Variants in PLEKHG3 observed in about 807,000 individuals in gnomAD.
PLEKHG3 encodes pleckstrin homology and RhoGEF domain containing G3, also known as pleckstrin homology domain-containing family G member 3.
Under a neutral mutation model 94.9 loss-of-function variants are expected in PLEKHG3, and 62 were observed. The observed-to-expected ratio is 0.65, with a 90% CI of 0.53 to 0.81. The LOEUF is 0.81. Ranked by LOEUF, PLEKHG3 falls within the 30% of genes least tolerant of loss-of-function variation. The pLI, the probability that PLEKHG3 is intolerant of heterozygous loss-of-function variation, is 0.00. For synonymous variants in PLEKHG3, 614 were observed against 654.0 expected (o/e 0.94, Z 0.93); for missense variants, 1,461 against 1,619.3 (o/e 0.90, Z 1.68).
At chr14:64,736,958 C>A in intron 13 of PLEKHG3, 67 bp downstream of exon 13, 1 of 1,210,576 alleles carries the variant, frequency 8.3e-7, no homozygotes, top group Non-Finnish European at 1.2e-6. Flanking sequence ...GGGAAGCAGC[C>A]GACAACCTGG....
rs999871061 is a variant in PLEKHG3, at chr14:64,704,700, G to T, written c.-44G>T. 3.3e-5 allele frequency: 5 copies of T among 152,454 alleles called. No individual in the cohort carries two copies. The highest frequency in any genetic ancestry group is 2.0e-4 in the Admixed American group (3 of 15,292). 9.4% of individuals were successfully genotyped at this position (152,454 alleles called of 1,614,324 possible). A position where few individuals can be genotyped will look rare whatever the true frequency, so the allele number is the denominator to read the frequency against. ...GTCCCGAGCCCGCGGGGCAGCTACCGCTCGGTGAGTGTCCCCTGATTCTCC... is the reference window on the plus strand; with the variant it reads ...GTCCCGAGCCCGCGGGGCAGCTACCTCTCGGTGAGTGTCCCCTGATTCTCC... On this transcript the variant is annotated 5_prime_UTR_variant, in exon 1 of 17. Transcript: ENST00000247226. The surrounding 1 kb of genome is among the most constrained non-coding windows in gnomAD (Gnocchi z 5.6).
Position 64,733,422 on chromosome 14 carries a change from A to C in PLEKHG3, c.1345+521A>C, listed in dbSNP as rs148405716. Among the ~76,000 whole-genome samples, 1,379 of 151,548 alleles carry C rather than the reference A, an allele frequency of 9.1e-3. 20 individuals are homozygous for C. The highest frequency in any genetic ancestry group is 0.032 in the African/African-American group (1,315 of 41,306). On this transcript the variant is annotated intron_variant, in intron 12 of 16. Transcript: ENST00000247226. Reference sequence around the variant, plus strand: ...GCCTCAGGTGATCCGCCCGTCTCGGACTCCCAAAGTACTGGGATTATAGGT... The same window carrying C: ...GCCTCAGGTGATCCGCCCGTCTCGGCCTCCCAAAGTACTGGGATTATAGGT...
rs1364598499 is a variant in PLEKHG3 at position 64,704,506 on chromosome 14, C to G, written c.-238C>G. The G allele has an allele frequency of 6.4e-6, 1 of 156,570 alleles. No individual in the cohort carries two copies. Among genetic ancestry groups the G allele is most frequent in the African/African-American group, 2.4e-5 (1 of 41,490 alleles). The allele number at this position is 156,570 out of a possible 1,614,324, so 9.7% of individuals were successfully genotyped here. On this transcript the variant is annotated 5_prime_UTR_variant, in exon 1 of 17. Coordinates refer to ENST00000247226, the MANE Select transcript of PLEKHG3 (RefSeq NM_001308147.2). The surrounding 1 kb of genome is among the most constrained non-coding windows in gnomAD (Gnocchi z 5.6). The stretch of plus-strand genomic sequence containing the variant: ...CTTCCTGCCGGGCGCTGGCAAGCCG[C>G]GCGCTGCCTGGGGTCTCCGGGGGCC...
Position 64,721,657 on chromosome 14 carries a change from C to G in PLEKHG3, c.-39-5936C>G, listed in dbSNP as rs1170824416. Among the ~76,000 whole-genome samples, 1 of 152,198 alleles carries G rather than the reference C, an allele frequency of 6.6e-6. No homozygotes were observed. The highest frequency in any genetic ancestry group is 6.5e-5 in the Admixed American group (1 of 15,286). On this transcript the variant is annotated intron_variant, in intron 1 of 16. Coordinates refer to ENST00000247226, the MANE Select transcript of PLEKHG3 (RefSeq NM_001308147.2). The surrounding 1 kb of genome is among the most constrained non-coding windows in gnomAD (Gnocchi z 4.3). ...CTCACATGCACACAAAGTCACTCCC[C>G]GGGGAGCCTTCTCTCGCGCTTTATT...
At position 64,720,080 on chromosome 14, in the gene PLEKHG3, A is replaced by C. The variant is rs939390037; in HGVS notation, c.-39-7513A>C. Among the ~76,000 whole-genome samples the C allele has an allele frequency of 6.6e-6, 1 of 152,222 alleles. No homozygotes were observed. The highest frequency in any genetic ancestry group is 1.5e-5 in the Non-Finnish European group (1 of 68,038). On this transcript the variant is annotated intron_variant, in intron 1 of 16. Transcript: ENST00000247226. This position sits in a 1 kb window ranked among gnomAD's most constrained non-coding sequence, Gnocchi z 4.1. ...TGAACAAGAGCAATTTATAATAAAC[A>C]ATACTTGCCCCCATTTGGCTTTAGC...
rs1197880527 is a variant in PLEKHG3, at chr14:64,749,757, G to T, written c.*6054G>T. ...CTCTGGAGGGGGCGCTGGGCAGAGG[G>T]CTGGCTCTGATCCCACAATACCCTG... is the stretch of plus-strand genomic sequence containing the variant. On this transcript the variant is annotated 3_prime_UTR_variant, in exon 17 of 17. Coordinates refer to ENST00000247226, the MANE Select transcript of PLEKHG3 (RefSeq NM_001308147.2). The surrounding 1 kb of genome is among the most constrained non-coding windows in gnomAD (Gnocchi z 4.7). The T allele has an allele frequency of 6.3e-7, 1 of 1,587,904 alleles. No homozygotes were observed. The highest frequency in any genetic ancestry group is 1.8e-5 in the Admixed American group (1 of 56,952).
Position 64,738,143 on chromosome 14 carries a change from C to A in PLEKHG3, c.1405-599C>A. The A allele has an allele frequency of 7.7e-7, 1 of 1,297,562 alleles. No homozygotes were observed. The allele number at this position is 1,297,562 out of a possible 1,614,324, so 80.4% of individuals were successfully genotyped here. A position where few individuals can be genotyped will look rare whatever the true frequency, so the allele number is the denominator to read the frequency against. On this transcript the variant is annotated intron_variant, in intron 14 of 16. Transcript: ENST00000247226. This position sits in a 1 kb window ranked among gnomAD's most constrained non-coding sequence, Gnocchi z 4.8. ...GCCTGGCGGTGGCGGAGCAGGTAGC[C>A]GACTTTGCCAGCTCCCTGCTGGCCG...
rs2081481587 is a variant in PLEKHG3 at position 64,732,210 on chromosome 14, C to T, written c.1212+29C>T. 1.9e-6 allele frequency: 3 copies of T among 1,573,890 alleles called. No individual in the cohort carries two copies. Among genetic ancestry groups the T allele is most frequent in the East Asian group, 4.5e-5 (2 of 44,706 alleles). On this transcript the variant is annotated intron_variant, in intron 10 of 16. Transcript: ENST00000247226. The surrounding 1 kb of genome is among the most constrained non-coding windows in gnomAD (Gnocchi z 4.9). ...AGTTCCCCCAGCTCCTGACTGTGTG[C>T]AAGGAGAATGTGCTCCTCTGAGCCA... is the stretch of plus-strand genomic sequence containing the variant.
Position 64,721,491 on chromosome 14 carries a change from G to C in PLEKHG3, c.-39-6102G>C, listed in dbSNP as rs1016242579. On this transcript the variant is annotated intron_variant, in intron 1 of 16. Transcript: ENST00000247226. This position sits in a 1 kb window ranked among gnomAD's most constrained non-coding sequence, Gnocchi z 4.3. ...GGTCCTGCTGCAAGGGACCCAGCCA[G>C]ACTACATGGGCCCTGCTGCTCTTAG... is the stretch of plus-strand genomic sequence containing the variant. Among the ~76,000 whole-genome samples the C allele has an allele frequency of 1.3e-5, 2 of 152,222 alleles. No homozygotes were observed. The highest frequency in any genetic ancestry group is 2.9e-5 in the Non-Finnish European group (2 of 68,042).
In PLEKHG3 at chr14:64,718,752, G is replaced by A. The variant is rs1316227379; in HGVS notation, c.-39-8841G>A. Among the ~76,000 whole-genome samples the A allele has an allele frequency of 2.0e-5, 3 of 152,090 alleles. No homozygotes were observed. The highest frequency in any genetic ancestry group is 4.8e-5 in the African/African-American group (2 of 41,382). ...TTCCTCGTGACTTAGGAATGGGTCC[G>A]CACTAGAGCCTTTCCCAGTACCTTG... is the stretch of plus-strand genomic sequence containing the variant. On this transcript the variant is annotated intron_variant, in intron 1 of 16. Transcript: ENST00000247226. This position sits in a 1 kb window ranked among gnomAD's most constrained non-coding sequence, Gnocchi z 5.0.
chr14:64,707,331 C>T (rs1594651750), intron 1 of PLEKHG3, among the ~76,000 whole-genome samples: 4 of 152,250 alleles, frequency 2.6e-5, no homozygotes, highest in Admixed American at 6.5e-5. Context: ...CTCATCTCTC[C>T]TTTCTTCTGC....
rs2081878626 is a variant in PLEKHG3, at chr14:64,748,203, A to G, written c.*4500A>G. On this transcript the variant is annotated 3_prime_UTR_variant, in exon 17 of 17. Transcript: ENST00000247226. ...GCTGCGTCTGCCACCCCGAGAAAAC[A>G]GATGATCAACTTTACTGTCTGCCCA... is the stretch of plus-strand genomic sequence containing the variant. 1 of 149,710 alleles carries G rather than the reference A, an allele frequency of 6.7e-6. No individual in the cohort carries two copies. Among genetic ancestry groups the G allele is most frequent in the South Asian group, 2.1e-4 (1 of 4,818 alleles). The allele number at this position is 149,710 out of a possible 1,614,324, so 9.3% of individuals were successfully genotyped here.
rs1218066306 is a variant in PLEKHG3 at position 64,718,570 on chromosome 14, G to T, written c.-39-9023G>T. On this transcript the variant is annotated intron_variant, in intron 1 of 16. Coordinates refer to ENST00000247226, the MANE Select transcript of PLEKHG3 (RefSeq NM_001308147.2). The surrounding 1 kb of genome is among the most constrained non-coding windows in gnomAD (Gnocchi z 5.0). ...CAGCTTAGGTTGGAAGATTACTAGGGTTATCTTCAAATCAGAGAGAGATTG... is the reference window on the plus strand; with the variant it reads ...CAGCTTAGGTTGGAAGATTACTAGGTTTATCTTCAAATCAGAGAGAGATTG... Among the ~76,000 whole-genome samples, 1 of 152,172 alleles carries T rather than the reference G, an allele frequency of 6.6e-6. No homozygotes were observed. Among genetic ancestry groups the T allele is most frequent in the Non-Finnish European group, 1.5e-5 (1 of 68,038 alleles).
chr14:64,710,205 A>G (rs765139633), intron 1 of PLEKHG3, among the ~76,000 whole-genome samples: 1 of 151,778 alleles, frequency 6.6e-6, no homozygotes, highest in Non-Finnish European at 1.5e-5. Context: ...CCTACCCTAA[A>G]CTCTTATTTG....
Position 64,731,833 on chromosome 14 carries a change from T to A in PLEKHG3, c.1125+27T>A. On this transcript the variant is annotated intron_variant, in intron 9 of 16. Coordinates refer to ENST00000247226, the MANE Select transcript of PLEKHG3 (RefSeq NM_001308147.2). The surrounding 1 kb of genome is among the most constrained non-coding windows in gnomAD (Gnocchi z 6.1). ...TGAGGGGAAGGTGGGGCTCAGGGGCTAGGGAACAAGATGCCCAGGGGACAC... is the reference window on the plus strand; with the variant it reads ...TGAGGGGAAGGTGGGGCTCAGGGGCAAGGGAACAAGATGCCCAGGGGACAC... 1.3e-6 allele frequency: 2 copies of A among 1,532,758 alleles called. No individual in the cohort carries two copies. The highest frequency in any genetic ancestry group is 1.8e-6 in the Non-Finnish European group (2 of 1,106,876). 94.9% of individuals were successfully genotyped at this position (1,532,758 alleles called of 1,614,324 possible).
rs143682465 is a variant in PLEKHG3 at position 64,723,549 on chromosome 14, G to A, written c.-39-4044G>A. On this transcript the variant is annotated intron_variant, in intron 1 of 16. Transcript: ENST00000247226. The surrounding 1 kb of genome is among the most constrained non-coding windows in gnomAD (Gnocchi z 4.5). ...GGAGTCTCATGCTGTCACCCAGGCTGGAGTACAGTGGCGCGATCTCAGCTC... is the reference window on the plus strand; with the variant it reads ...GGAGTCTCATGCTGTCACCCAGGCTAGAGTACAGTGGCGCGATCTCAGCTC... Among the ~76,000 whole-genome samples, 4 of 152,168 alleles carry A rather than the reference G, an allele frequency of 2.6e-5. No individual in the cohort carries two copies. The highest frequency in any genetic ancestry group is 9.6e-5 in the African/African-American group (4 of 41,514).
chr14:64,731,598 T>C lies in PLEKHG3; in HGVS notation c.1032+55T>C. The C allele has an allele frequency of 6.4e-7, 1 of 1,574,382 alleles. No individual in the cohort carries two copies. Among genetic ancestry groups the C allele is most frequent in the African/African-American group, 1.3e-5 (1 of 74,184 alleles). On this transcript the variant is annotated intron_variant, in intron 8 of 16. Coordinates refer to ENST00000247226, the MANE Select transcript of PLEKHG3 (RefSeq NM_001308147.2). This position sits in a 1 kb window ranked among gnomAD's most constrained non-coding sequence, Gnocchi z 6.1. Reference sequence around the variant, plus strand: ...CATCTTCTCTCCTTCCCAAAGGATCTGGGCTCCCCTTCTTGTCTGCTTCTT... The same window carrying C: ...CATCTTCTCTCCTTCCCAAAGGATCCGGGCTCCCCTTCTTGTCTGCTTCTT...
At chr14:64,733,444 A>G (rs1450520379) in intron 12 of PLEKHG3, among the ~76,000 whole-genome samples, 1 of 152,116 alleles carries the variant, frequency 6.6e-6, no homozygotes, top group Admixed American at 6.5e-5. Context: ...CTGGGATTAT[A>G]GGTGTGAGCC....
Position 64,750,230 on chromosome 14 carries a change from T to A in PLEKHG3, c.*6527T>A, listed in dbSNP as rs2081924339. The A allele has an allele frequency of 7.0e-7, 1 of 1,437,766 alleles. No homozygotes were observed. The highest frequency in any genetic ancestry group is 2.3e-5 in the Admixed American group (1 of 43,268). 89.1% of individuals were successfully genotyped at this position (1,437,766 alleles called of 1,614,324 possible). ...AGAGTCAATTCCTATAGCTTCACCA[T>A]TAAAAAAAATTACACCATGTTTGTT... On this transcript the variant is annotated 3_prime_UTR_variant, in exon 17 of 17. Coordinates refer to ENST00000247226, the MANE Select transcript of PLEKHG3 (RefSeq NM_001308147.2).
Sources: gnomAD v4.1 joint callset for allele counts (sites outside exome capture counted in the v4.1 genomes callset) on GRCh38, gnomAD v4.1.1 for gene constraint, Gnocchi (gnomAD v3.1) non-coding constraint, MANE v1.5 for transcripts, NCBI Gene and HGNC (gene_info 2026-07-23, HGNC 2026-07-21) for gene names.